Variants in BRD4 observed in about 807,000 individuals in gnomAD.
BRD4 encodes bromodomain containing 4, also known as bromodomain-containing protein 4.
BRD4 carries 16 observed loss-of-function variants against 142.1 expected under a neutral mutation model. That is an observed-to-expected ratio of 0.11 (90% CI 0.08 to 0.17). BRD4 has a LOEUF of 0.17. Among genes scored for constraint, BRD4 ranks in the 10% least tolerant of loss-of-function variants. The probability of loss-of-function intolerance (pLI) is 1.00; values close to 1 mark genes in which losing one functional copy is unlikely to be tolerated. For missense variants in BRD4, 1,424 were observed against 1,810.9 expected, an observed-to-expected ratio of 0.79 and a Z score of 3.88; for synonymous variants, 833 against 707.5, an observed-to-expected ratio of 1.18 and a Z score of -2.82.
chr19:15,273,088 C>T lies in BRD4; in HGVS notation c.12G>A (p.Glu4=). ...TTCTCAATCTCGTCCCAGGGCCGCT[C>T]TCCGCAGACATGCTAGTGATCCCAT... is the stretch of plus-strand genomic sequence containing the variant. MSA[E]SGPGTRLRNL... is the part of the protein sequence containing the mutation. Residue 4 remains glutamate, a synonymous_variant, in exon 2 of 20, where the codon GAG becomes GAA. Transcript: ENST00000679869. The T allele has an allele frequency of 1.3e-6, 2 of 1,595,804 alleles. No individual in the cohort carries two copies. The highest frequency in any genetic ancestry group is 1.7e-6 in the Non-Finnish European group (2 of 1,169,760).
At chr19:15,252,983 A>G (rs2047363571) in intron 11 of BRD4, 1 of 203,374 alleles carries the variant, frequency 4.9e-6, no homozygotes, top group African/African-American at 2.3e-5. Flanking sequence ...AGTTATTTAC[A>G]TGCACTGATT....
At position 15,243,171 on chromosome 19, in the gene BRD4, C is replaced by T. The variant is rs1258296608; in HGVS notation, c.2898G>A (p.Val966=). 2.1e-5 allele frequency: 4 copies of T among 192,626 alleles called. No homozygotes were observed. In the East Asian group the frequency reaches 7.7e-4, roughly 37 times the overall value. The allele number at this position is 192,626 out of a possible 1,614,324, so 11.9% of individuals were successfully genotyped here. ...PPLPPPPHPS[V]QQQLQQQPPP... The stretch of plus-strand genomic sequence containing the variant: ...GCGGCTGCTGCTGCAGCTGCTGCTG[C>T]ACAGAGGGGTGGGGTGGGGGCGGCA... Residue 966 remains valine, a synonymous_variant, in exon 14 of 20, where the codon GTG becomes GTA. Transcript: ENST00000679869.
chr19:15,264,848 G>A (rs1323315664), intron 5 of BRD4, 82 bp from the exon 6 acceptor site: 48 of 1,528,438 alleles, frequency 3.1e-5, no homozygotes, highest in Non-Finnish European at 5.3e-6. Flanking sequence ...CCAAAGCCAG[G>A]CCCTGTCTTG....
At chr19:15,274,757 T>C (rs1055108527) in intron 1 of BRD4, among the ~76,000 whole-genome samples, 1 of 152,226 alleles carries the variant, frequency 6.6e-6, no homozygotes, top group African/African-American at 2.4e-5. Flanking sequence ...CCAAAAAGAC[T>C]TGCAGCAAAG....
At chr19:15,242,594 G>A (rs563186122) in intron 14 of BRD4, among the ~76,000 whole-genome samples, 24 of 152,258 alleles carry the variant, frequency 1.6e-4, no homozygotes, top group African/African-American at 5.8e-4. Context: ...AGGTGCATCA[G>A]GTACCTCCCC....
chr19:15,290,695 A>G (rs2047775166), intron 1 of BRD4, among the ~76,000 whole-genome samples: 1 of 152,178 alleles, frequency 6.6e-6, no homozygotes, highest in Non-Finnish European at 1.5e-5. Flanking sequence ...GGTAAAGCTC[A>G]CAACATATAC....
At chr19:15,272,692 C>A in intron 2 of BRD4, 123 bp downstream of exon 2, 1 of 898,550 alleles carries the variant, frequency 1.1e-6, no homozygotes. Context: ...CTCAAGGGCC[C>A]TGCAGCTCTC....
At position 15,264,829 on chromosome 19, in the gene BRD4, G is replaced by A. The variant is rs1209326071; in HGVS notation, c.850-63C>T. The A allele has an allele frequency of 6.5e-6, 10 of 1,545,048 alleles. 1 individual carries two copies. In the South Asian group the frequency reaches 1.2e-4, roughly 19 times the overall value. On this transcript the variant is annotated intron_variant, in intron 5 of 19. Transcript: ENST00000679869. ...GTGGCAGCCGGCACAGCTGCCCTCAGGGTCACCCCCAAAGCCAGGCCCTGT... is the reference window on the plus strand; with the variant it reads ...GTGGCAGCCGGCACAGCTGCCCTCAAGGTCACCCCCAAAGCCAGGCCCTGT...
rs1483117335 is a variant in BRD4, at chr19:15,255,572, A to G, written c.1772T>C (p.Met591Thr). ...ATACGTGGGAGGGGGCTTGCTCTTC[A>G]TGGGCGCTGGCTCCTTCTTGCTACG... Reference protein sequence around the residue: ...SNVSKKEPAPMKSKPPPTYES... With the variant: ...SNVSKKEPAPTKSKPPPTYES... Residue 591 changes from methionine to threonine, a missense_variant, in exon 10 of 20, where the codon ATG (methionine) becomes ACG (threonine). Coordinates refer to ENST00000679869, the MANE Select transcript of BRD4 (RefSeq NM_001379291.1). 1.2e-6 allele frequency: 2 copies of G among 1,607,548 alleles called. No individual in the cohort carries two copies. The highest frequency in any genetic ancestry group is 1.1e-5 in the South Asian group (1 of 90,950).
intron 11 of BRD4, chr19:15,248,649 C>G (rs1043700625): frequency 8.8e-6 from 2 of 227,738 alleles, no homozygotes; most frequent in African/African-American, 4.4e-5. Flanking sequence ...CCAAAAGGCT[C>G]AGAGTCAGCG....
rs767787847 is a variant in BRD4 at position 15,265,656 on chromosome 19, A to G, written c.560-13T>C. 66 of 1,613,936 alleles carry G rather than the reference A, an allele frequency of 4.1e-5. No homozygotes were observed. Among genetic ancestry groups the G allele is most frequent in the Non-Finnish European group, 5.0e-5 (59 of 1,179,992 alleles). On this transcript the variant is annotated splice_polypyrimidine_tract_variant and intron_variant, in intron 4 of 19. Coordinates refer to ENST00000679869, the MANE Select transcript of BRD4 (RefSeq NM_001379291.1). ...GGTTTTGCTGTCCCTACAAATCATA[A>G]TAAGACGGCGAGTTAGAGACCATGC...
At chr19:15,245,150 T>C (rs2047274388) in intron 11 of BRD4, among the ~76,000 whole-genome samples, 1 of 152,088 alleles carries the variant, frequency 6.6e-6, no homozygotes, top group African/African-American at 2.4e-5. Flanking sequence ...CCTGTGATGG[T>C]TGCAATGGTC....
chr19:15,294,421 A>G (rs1031137730), intron 1 of BRD4, among the ~76,000 whole-genome samples: 1 of 152,244 alleles, frequency 6.6e-6, no homozygotes, highest in African/African-American at 2.4e-5. Context: ...CCACTCCAAA[A>G]GGGGATGAGA....
In BRD4 at chr19:15,264,716, A is replaced by G. The variant is rs200854612; in HGVS notation, c.900T>C (p.Ile300=). The G allele has an allele frequency of 1.8e-5, 29 of 1,612,678 alleles. No homozygotes were observed. Among genetic ancestry groups the G allele is most frequent in the Non-Finnish European group, 2.4e-5 (28 of 1,179,902 alleles). The change falls in exon 6 of 20, where the codon ATT becomes ATC. Residue 300 remains isoleucine, a synonymous_variant. Coordinates refer to ENST00000679869, the MANE Select transcript of BRD4 (RefSeq NM_001379291.1). ...RKADTTTPTT[I]DPIHEPPSLP... ...GCGAGGGTGGCTCGTGAATGGGGTC[A>G]ATGGTGGTGGGGGTGGTGGTGTCTG...
Position 15,257,846 on chromosome 19 carries a change from C to T in BRD4, c.1342-673G>A, listed in dbSNP as rs569729988. On this transcript the variant is annotated intron_variant, in intron 7 of 19. Coordinates refer to ENST00000679869, the MANE Select transcript of BRD4 (RefSeq NM_001379291.1). ...GGTGTGGGGCACTGAGGACAGGCTA[C>T]AGGAGGGAGCCACTGTGCGCAGGAG... 6.3e-4 allele frequency among the ~76,000 whole-genome samples: 96 copies of T among 152,264 alleles called. 1 individual carries two copies. The highest frequency in any genetic ancestry group is 2.2e-3 in the African/African-American group (90 of 41,542).
At chr19:15,326,033 GA>G (rs1479564610) in intron 1 of BRD4, among the ~76,000 whole-genome samples, 2 of 129,632 alleles carry the variant, frequency 1.5e-5, no homozygotes, top group Admixed American at 7.8e-5. Flanking sequence ...GAAAGAAAAA[GA>G]AAACTTGGAA....
chr19:15,302,114 C>T (rs1030726968), intron 1 of BRD4, among the ~76,000 whole-genome samples: 1 of 151,886 alleles, frequency 6.6e-6, no homozygotes, highest in African/African-American at 2.4e-5. Context: ...TTGCAGTGAG[C>T]CAAGATTACG....
At chr19:15,246,183 T>C (rs537852132) in intron 11 of BRD4, among the ~76,000 whole-genome samples, 95 of 152,226 alleles carry the variant, frequency 6.2e-4, no homozygotes, top group African/African-American at 2.1e-3. Flanking sequence ...GTATGACATC[T>C]GATGAGAGAG....
At chr19:15,295,051 G>C (rs1050152963) in intron 1 of BRD4, among the ~76,000 whole-genome samples, 6 of 152,166 alleles carry the variant, frequency 3.9e-5, no homozygotes, top group Admixed American at 3.3e-4. Flanking sequence ...TAAATAAAAG[G>C]TTCCATAAAA....
Sources: gnomAD v4.1 joint callset for allele counts (sites outside exome capture counted in the v4.1 genomes callset) on GRCh38, gnomAD v4.1.1 for gene constraint, MANE v1.5 for transcripts, NCBI Gene and HGNC (gene_info 2026-07-23, HGNC 2026-07-21) for gene names.